Variants in FUBP1 observed in about 807,000 individuals in gnomAD.
FUBP1 encodes far upstream element binding protein 1, also known as far upstream element-binding protein 1.
A neutral mutation model predicts 94.9 loss-of-function variants in FUBP1; 16 were observed. The observed-to-expected ratio is 0.17, with a 90% CI of 0.11 to 0.26. The LOEUF (loss-of-function observed/expected upper bound fraction) is 0.26. Ranked by LOEUF, FUBP1 falls within the 10% of genes least tolerant of loss-of-function variation. The pLI is 1.00. For synonymous variants in FUBP1, 279 were observed against 254.9 expected (o/e 1.09, Z -0.90); for missense variants, 583 against 808.6 (o/e 0.72, Z 3.38).
intron 1 of FUBP1, among the ~76,000 whole-genome samples, chr1:77,977,619 C>T (rs1658920427): frequency 6.6e-6 from 1 of 152,130 alleles, no homozygotes. Context: ...TAGTTGGTTC[C>T]AGTAAATAAA....
chr1:77,973,435 AG>A (rs1260608974), intron 1 of FUBP1, among the ~76,000 whole-genome samples: 1 of 152,048 alleles, frequency 6.6e-6, no homozygotes, highest in Non-Finnish European at 1.5e-5. Context: ...TAGTATAGAC[AG>A]GGTTTCACCT....
intron 7 of FUBP1, among the ~76,000 whole-genome samples, chr1:77,965,852 T>A (rs1656377331): frequency 6.6e-6 from 1 of 151,936 alleles, no homozygotes; most frequent in African/African-American, 2.4e-5. Flanking sequence ...ATTGAGACCA[T>A]CCCGGCCAAC....
intron 14 of FUBP1, among the ~76,000 whole-genome samples, chr1:77,962,305 A>G (rs1357025376): frequency 6.6e-6 from 1 of 152,152 alleles, no homozygotes; most frequent in Non-Finnish European, 1.5e-5. Context: ...AAGCACCCAA[A>G]TAGTCTACAT....
At chr1:77,974,988 G>A (rs1424066131) in intron 1 of FUBP1, among the ~76,000 whole-genome samples, 1 of 152,040 alleles carries the variant, frequency 6.6e-6, no homozygotes. Context: ...TATAACCTAC[G>A]CAAATCCTTC....
chr1:77,961,717 T>C (rs968661385), intron 14 of FUBP1, among the ~76,000 whole-genome samples: 1 of 152,216 alleles, frequency 6.6e-6, no homozygotes, highest in African/African-American at 2.4e-5. Flanking sequence ...ATCTATCTTG[T>C]TTTTCCATGA....
At position 77,957,840 on chromosome 1, in the gene FUBP1, A is replaced by G. The variant is rs181890652; in HGVS notation, c.1577-1140T>C. 9.3e-4 allele frequency among the ~76,000 whole-genome samples: 132 copies of G among 142,034 alleles called. 2 individuals are homozygous for G. The highest frequency in any genetic ancestry group is 3.3e-3 in the African/African-American group (127 of 38,188). 93.2% of individuals were successfully genotyped at this position (142,034 alleles called of 152,430 possible). On this transcript the variant is annotated intron_variant, in intron 16 of 19. Transcript: ENST00000370768. The stretch of plus-strand genomic sequence containing the variant: ...TCTGTATTTTTTTTTTTTTTTTGAG[A>G]TGAAGTGTCTCACTCTGTTGCCCAG...
chr1:77,965,438 C>A (rs1460343914), intron 7 of FUBP1, among the ~76,000 whole-genome samples: 1 of 152,142 alleles, frequency 6.6e-6, no homozygotes, highest in Non-Finnish European at 1.5e-5. Flanking sequence ...AAAAAATTTT[C>A]TAGATATACA....
At chr1:77,961,427 A>G (rs1195587178) in intron 14 of FUBP1, among the ~76,000 whole-genome samples, 1 of 152,208 alleles carries the variant, frequency 6.6e-6, no homozygotes, top group Non-Finnish European at 1.5e-5. Flanking sequence ...ATTCTTTCCA[A>G]GTAGTAAAAA....
At chr1:77,971,644 T>A (rs1372906251) in intron 1 of FUBP1, among the ~76,000 whole-genome samples, 1 of 151,314 alleles carries the variant, frequency 6.6e-6, no homozygotes, top group East Asian at 1.9e-4. Context: ...CTTTTCCTCA[T>A]CTAAAAATGC....
chr1:77,949,730 G>C (rs868597528), intron 18 of FUBP1, among the ~76,000 whole-genome samples: 21 of 152,066 alleles, frequency 1.4e-4, no homozygotes, highest in African/African-American at 5.1e-4. Flanking sequence ...ATCTTAATTC[G>C]ATTCCAGAAT....
At chr1:77,952,642 A>G (rs943755944) in intron 18 of FUBP1, among the ~76,000 whole-genome samples, 1 of 152,214 alleles carries the variant, frequency 6.6e-6, no homozygotes, top group African/African-American at 2.4e-5. Context: ...TGAAGACTGA[A>G]CCAAGTTTTA....
At chr1:77,964,830 C>T in intron 9 of FUBP1, 40 bp downstream of exon 9, 3 of 1,510,098 alleles carry the variant, frequency 2.0e-6, no homozygotes, top group Non-Finnish European at 2.8e-6. Flanking sequence ...CAACCCCATT[C>T]AACCCACTCT....
chr1:77,945,195 A>C lies in FUBP1; in HGVS notation c.*3571T>G, dbSNP rs1190547472. Among the ~76,000 whole-genome samples the C allele has an allele frequency of 1.3e-5, 2 of 151,662 alleles. No homozygotes were observed. The highest frequency in any genetic ancestry group is 3.0e-5 in the Non-Finnish European group (2 of 67,766). On this transcript the variant is annotated 3_prime_UTR_variant, in exon 20 of 20. Coordinates refer to ENST00000370768, the MANE Select transcript of FUBP1 (RefSeq NM_003902.5). ...AATGCCCCAATATCTATTATCATCAATCTATCTGTATTTTTTTTTATAAAA... is the reference window on the plus strand; with the variant it reads ...AATGCCCCAATATCTATTATCATCACTCTATCTGTATTTTTTTTTATAAAA...
chr1:77,979,378 A>C, upstream of FUBP1: 1 of 223,942 alleles, frequency 4.5e-6, no homozygotes, highest in Non-Finnish European at 8.9e-6. Flanking sequence ...GGAAGCCTGA[A>C]GAAAAGGTTG....
Position 77,962,215 on chromosome 1 carries a change from T to TCTATGTA in FUBP1, c.1344+548_1344+554dup, listed in dbSNP as rs370479251. On this transcript the variant is annotated intron_variant, in intron 14 of 19. Coordinates refer to ENST00000370768, the MANE Select transcript of FUBP1 (RefSeq NM_003902.5). ...TCTGTGCACCAGAATCACCCAAACATCTATGTAAAATTAGATGCTGGGCCC... is the reference window on the plus strand; with the variant it reads ...TCTGTGCACCAGAATCACCCAAACATCTATGTACTATGTAAAATTAGATGCTGGGCCC... 1.1e-3 allele frequency among the ~76,000 whole-genome samples: 169 copies of TCTATGTA among 152,268 alleles called. 2 individuals are homozygous for TCTATGTA. The highest frequency in any genetic ancestry group is 3.9e-3 in the African/African-American group (162 of 41,560).
At chr1:77,955,605 C>T (rs909506429) in intron 17 of FUBP1, 2 of 333,940 alleles carry the variant, frequency 6.0e-6, no homozygotes, top group Non-Finnish European at 1.1e-5. Context: ...ACTGAGGACA[C>T]CAGGTTTCTC....
In FUBP1 at chr1:77,948,717, G is replaced by GT. The variant is rs772091539; in HGVS notation, c.*48dup. On this transcript the variant is annotated 3_prime_UTR_variant, in exon 20 of 20. Transcript: ENST00000370768. ...GTCTGCATCCATATATTTAACAAAGGTTTTTTTCCCCCACACAATGAAGCA... is the reference window on the plus strand; with the variant it reads ...GTCTGCATCCATATATTTAACAAAGGTTTTTTTTCCCCCACACAATGAAGCA... The GT allele has an allele frequency of 1.6e-4, 248 of 1,589,104 alleles. 1 individual carries two copies. The highest frequency in any genetic ancestry group is 1.9e-4 in the Non-Finnish European group (224 of 1,171,580).
chr1:77,973,891 G>C (rs779974979), intron 1 of FUBP1, among the ~76,000 whole-genome samples: 9 of 152,076 alleles, frequency 5.9e-5, no homozygotes, highest in Non-Finnish European at 1.2e-4. Context: ...CAGTAATACA[G>C]TGTATTGTTG....
At chr1:77,963,842 C>A in intron 12 of FUBP1, 127 bp from the exon 13 acceptor site, 1 of 773,970 alleles carries the variant, frequency 1.3e-6, no homozygotes, top group Non-Finnish European at 2.1e-6. Context: ...TGAACTGGCC[C>A]TAATAAGTAA....
Sources: allele counts gnomAD v4.1 joint callset (sites outside exome capture counted in the v4.1 genomes callset), GRCh38; gene constraint gnomAD v4.1.1; transcripts MANE v1.5; gene names NCBI Gene and HGNC (gene_info 2026-07-23, HGNC 2026-07-21).